The following MUC5B variants were observed in gnomAD, a reference collection of about 807,000 sequenced individuals.
MUC5B encodes mucin 5B, oligomeric mucus/gel-forming, also known as mucin-5B.
Under a neutral mutation model 376.9 loss-of-function variants are expected in MUC5B, and 116 were observed. That is an observed-to-expected ratio of 0.31 (90% CI 0.26 to 0.36). The LOEUF (loss-of-function observed/expected upper bound fraction) is 0.36, where lower values mean the gene tolerates loss of function less well. Among genes scored for constraint, MUC5B ranks in the 10% least tolerant of loss-of-function variants. MUC5B has a pLI of 1.00. For synonymous variants in MUC5B, 3,517 were observed against 3,390.9 expected (o/e 1.04, Z -1.29); for missense variants, 7,165 against 7,769.9 (o/e 0.92, Z 2.93).
chr11:1,227,308 C>A lies in MUC5B; in HGVS notation c.577C>A (p.Leu193Met). ...TGGAGCTGCCCCTCCCCACTCTCAG[C>A]TGGAGCTGGATCCCAAATACGCCAA... is the stretch of plus-strand genomic sequence containing the variant. ...FLWNGEDSALLELDPKYANQT... is the reference protein window; with the variant it reads ...FLWNGEDSALMELDPKYANQT... Residue 193 changes from leucine (L) to methionine (M), a missense_variant and splice_region_variant, in exon 6 of 49, where the codon CTG becomes ATG. Physicochemically the swap from Leu to Met is conservative, Grantham distance 15 (BLOSUM62 2). Coordinates refer to ENST00000529681, the MANE Select transcript of MUC5B (RefSeq NM_002458.3). 6.2e-7 allele frequency: 1 copy of A among 1,612,284 alleles called. No individual in the cohort carries two copies. Among genetic ancestry groups the A allele is most frequent in the Non-Finnish European group, 8.5e-7 (1 of 1,179,444 alleles).
At chr11:1,227,445 A>G in intron 6 of MUC5B, 47 bp downstream of exon 6, 1 of 1,435,336 alleles carries the variant, frequency 7.0e-7, no homozygotes. Context: ...ATGTCGGCCA[A>G]CGAAGAGCCA....
At chr11:1,260,509 C>T in intron 47 of MUC5B, 116 bp downstream of exon 47, 4 of 1,474,352 alleles carry the variant, frequency 2.7e-6, no homozygotes, top group Admixed American at 1.8e-5. Context: ...CCAGACTCCA[C>T]CCTCGGTCCT....
In MUC5B at chr11:1,239,885, G is replaced by C; in HGVS notation, c.3670G>C (p.Asp1224His). ...CVAQCGCYDK[D>H]GNYYDVGARV... ...GGCCCAGTGTGGCTGCTACGACAAGGACGGAAACTACTATGACGTCGGTGC... is the reference window on the plus strand; with the variant it reads ...GGCCCAGTGTGGCTGCTACGACAAGCACGGAAACTACTATGACGTCGGTGC... Residue 1224 changes from aspartate (D) to histidine (H), a missense_variant, in exon 28 of 49, where the codon GAC becomes CAC. By Grantham distance (81) the Asp-to-His change is moderately conservative. Around this residue, in one of 31 missense-constraint regions of MUC5B, gnomAD observed 517 missense variants for 545.3 expected, o/e 0.95. Coordinates refer to ENST00000529681, the MANE Select transcript of MUC5B (RefSeq NM_002458.3). The C allele has an allele frequency of 6.2e-7, 1 of 1,613,286 alleles. No homozygotes were observed. The highest frequency in any genetic ancestry group is 8.5e-7 in the Non-Finnish European group (1 of 1,179,692).
intron 11 of MUC5B, 37 bp from the exon 12 acceptor site, chr11:1,230,453 A>G (rs1428090025): frequency 1.3e-6 from 2 of 1,532,720 alleles, no homozygotes; most frequent in Non-Finnish European, 1.8e-6. Flanking sequence ...CACATCATCG[A>G]GCCAGGCCCA....
In MUC5B at chr11:1,257,440, C is replaced by G; in HGVS notation, c.16270-90C>G. The G allele has an allele frequency of 6.7e-7, 1 of 1,485,486 alleles. No homozygotes were observed. Among genetic ancestry groups the G allele is most frequent in the East Asian group, 2.4e-5 (1 of 42,284 alleles). 92.0% of individuals were successfully genotyped at this position (1,485,486 alleles called of 1,614,324 possible). On this transcript the variant is annotated intron_variant, in intron 40 of 48. Coordinates refer to ENST00000529681, the MANE Select transcript of MUC5B (RefSeq NM_002458.3). The surrounding 1 kb of genome is among the most constrained non-coding windows in gnomAD (Gnocchi z 8.9). ...CCCATCACTCTGGGCCACTCGGGTA[C>G]CAGCCCGAGGGAGGGGGTGGCTGGA...
Position 1,242,066 on chromosome 11 carries a change from C to T in MUC5B, c.5186C>T (p.Pro1729Leu), listed in dbSNP as rs754802713. 2.3e-5 allele frequency: 37 copies of T among 1,604,096 alleles called. No homozygotes were observed. The highest frequency in any genetic ancestry group is 1.6e-4 in the Middle Eastern group (1 of 6,070). ...ACAATGGCAACCTCCAGAGCTCGCC[C>T]GACAGGCACAGCCAGCACCGCTTCC... ...PTTMATSRAR[P>L]TGTASTASKE... The change falls in exon 31 of 49, where the codon CCG becomes CTG. Residue 1729 changes from proline to leucine, a missense_variant. By Grantham distance (98) the Pro-to-Leu change is moderately conservative (BLOSUM62 -3). Around this residue, in one of 31 missense-constraint regions of MUC5B, gnomAD observed 897 missense variants for 779.6 expected, o/e 1.15. Coordinates refer to ENST00000529681, the MANE Select transcript of MUC5B (RefSeq NM_002458.3).
Position 1,261,799 on chromosome 11 carries a change from C to G in MUC5B, c.*191C>G. ...GGTGAGGGGCCAGCAGGACCCCTTT[C>G]GGGAGGGCGCCACTCAGGAGTCCTA... On this transcript the variant is annotated 3_prime_UTR_variant, in exon 49 of 49. Coordinates refer to ENST00000529681, the MANE Select transcript of MUC5B (RefSeq NM_002458.3). 1 of 709,912 alleles carries G rather than the reference C, an allele frequency of 1.4e-6. No individual in the cohort carries two copies. Among genetic ancestry groups the G allele is most frequent in the Non-Finnish European group, 2.5e-6 (1 of 393,864 alleles). The allele number at this position is 709,912 out of a possible 1,614,324, so 44.0% of individuals were successfully genotyped here.
chr11:1,247,670 C>A lies in MUC5B; in HGVS notation c.10790C>A (p.Thr3597Asn). Residue 3597 changes from threonine to asparagine, a missense_variant, in exon 31 of 49, where the codon ACC becomes AAC. Physicochemically the swap from Thr to Asn is moderately conservative, Grantham distance 65. Transcript: ENST00000529681. ...GGGCCCTCTGGCGGGGACTTTGACA[C>A]CTACTCCAACATCCGTGCGGCCGGA... ...MPGPSGGDFD[T>N]YSNIRAAGGA... 1 of 1,599,090 alleles carries A rather than the reference C, an allele frequency of 6.3e-7. No individual in the cohort carries two copies. Among genetic ancestry groups the A allele is most frequent in the South Asian group, 1.1e-5 (1 of 90,450 alleles).
At position 1,250,712 on chromosome 11, in the gene MUC5B, C is replaced by T. The variant is rs199542083; in HGVS notation, c.13832C>T (p.Thr4611Met). Residue 4611 changes from threonine to methionine, a missense_variant, in exon 31 of 49, where the codon ACG becomes ATG. Transcript: ENST00000529681. ...GCCACCCCCTCCTCCAGCCCAGGGA[C>T]GGCACTCACGCCTCCAGTGTGGATC... The part of the protein sequence containing the change: ...FTATPSSSPG[T>M]ALTPPVWIST... The T allele has an allele frequency of 1.1e-4, 180 of 1,612,562 alleles. No homozygotes were observed. Among genetic ancestry groups the T allele is most frequent in the East Asian group, 3.6e-4 (16 of 44,878 alleles).
rs767449126 is a variant in MUC5B, at chr11:1,260,004, CG to C, written c.16843del (p.Val5615CysfsTer13). The C allele has an allele frequency of 6.2e-7, 1 of 1,612,984 alleles. No homozygotes were observed. The highest frequency in any genetic ancestry group is 8.5e-7 in the Non-Finnish European group (1 of 1,179,776). ...WVNSHVDNCT[V>X]YLCEAEGGVH... ...TCAACAGCCATGTGGACAACTGCAC[CG>C]TGTACCTCTGTGAGGCTGAGGGTGG... On this transcript the variant is annotated frameshift_variant, in exon 46 of 49. Transcript: ENST00000529681. LOFTEE classifies it high-confidence loss of function.
rs1052124044 is a variant in MUC5B, at chr11:1,234,389, G to A, written c.2478+84G>A. 2 of 1,503,682 alleles carry A rather than the reference G, an allele frequency of 1.3e-6. No individual in the cohort carries two copies. Among genetic ancestry groups the A allele is most frequent in the Non-Finnish European group, 1.8e-6 (2 of 1,108,642 alleles). The allele number at this position is 1,503,682 out of a possible 1,614,324, so 93.1% of individuals were successfully genotyped here. ...CCGAGCCCAGGGATCTGGTGGTCCTGGAGACACTTACCCACCTGGAAGCTC... is the reference window on the plus strand; with the variant it reads ...CCGAGCCCAGGGATCTGGTGGTCCTAGAGACACTTACCCACCTGGAAGCTC... On this transcript the variant is annotated intron_variant, in intron 20 of 48. Transcript: ENST00000529681. The surrounding 1 kb of genome is among the most constrained non-coding windows in gnomAD (Gnocchi z 6.3).
At position 1,240,372 on chromosome 11, in the gene MUC5B, A is replaced by G. The variant is rs112154512; in HGVS notation, c.3967A>G (p.Thr1323Ala). 1 of 1,594,316 alleles carries G rather than the reference A, an allele frequency of 6.3e-7. No individual in the cohort carries two copies. Among genetic ancestry groups the G allele is most frequent in the Non-Finnish European group, 8.6e-7 (1 of 1,166,870 alleles). ...FTTAWVPHST[T>A]SPALPVSTVC... is the part of the protein sequence containing the mutation. ...CACCGCCTGGGTCCCCCACTCCACGACAAGTAAGCCCTGCCTGGCTCTCCT... is the reference window on the plus strand; with the variant it reads ...CACCGCCTGGGTCCCCCACTCCACGGCAAGTAAGCCCTGCCTGGCTCTCCT... The change falls in exon 30 of 49, where the codon ACA (threonine) becomes GCA (alanine). Residue 1323 changes from threonine (T) to alanine (A), a missense_variant. By Grantham distance (58) the Thr-to-Ala change is moderately conservative. Coordinates refer to ENST00000529681, the MANE Select transcript of MUC5B (RefSeq NM_002458.3).
At chr11:1,232,588 G>C (rs1205427531) in intron 16 of MUC5B, 44 bp downstream of exon 16, 2 of 1,602,600 alleles carry the variant, frequency 1.2e-6, no homozygotes, top group Non-Finnish European at 1.7e-6. Context: ...CAGGATGGGT[G>C]GGGGAGCCCT....
Position 1,257,620 on chromosome 11 carries a change from C to T in MUC5B, c.16360C>T (p.Gln5454Ter). 6.2e-7 allele frequency: 1 copy of T among 1,602,652 alleles called. No homozygotes were observed. Residue 5454 changes from glutamine to a stop codon, truncating the protein, a stop_gained, in exon 41 of 49, where the codon CAG (glutamine) becomes TAG (stop). Coordinates refer to ENST00000529681, the MANE Select transcript of MUC5B (RefSeq NM_002458.3). LOFTEE classifies it high-confidence loss of function. This position sits in a 1 kb window ranked among gnomAD's most constrained non-coding sequence, Gnocchi z 8.9. The stretch of plus-strand genomic sequence containing the variant: ...GTGCAAGCCCCTGCCCTGTGACGCC[C>T]AGGGTCAGCCCCCGCCGTGCAACCG... ...VQCKPLPCDAQGQPPPCNRPG... is the reference protein window; with the variant it reads ...VQCKPLPCDA
chr11:1,227,843 G>A (rs1390928754), intron 7 of MUC5B, 62 bp downstream of exon 7: 2 of 668,722 alleles, frequency 3.0e-6, no homozygotes, highest in East Asian at 2.7e-5. Flanking sequence ...GGGGGAGCTG[G>A]GCCGAGGTCT....
rs968866613 is a variant in MUC5B at position 1,240,028 on chromosome 11, C to T, written c.3729-17C>T. ...GCTGCCCCCCAGGCCCTCAGCTCGCCTCTCCCCCACCCCTAGTAACTGCAC... is the reference window on the plus strand; with the variant it reads ...GCTGCCCCCCAGGCCCTCAGCTCGCTTCTCCCCCACCCCTAGTAACTGCAC... On this transcript the variant is annotated splice_polypyrimidine_tract_variant and intron_variant, in intron 28 of 48. Coordinates refer to ENST00000529681, the MANE Select transcript of MUC5B (RefSeq NM_002458.3). The T allele has an allele frequency of 3.2e-6, 5 of 1,586,490 alleles. No homozygotes were observed. In the African/African-American group the frequency reaches 6.7e-5, roughly 21 times the overall value.
chr11:1,256,614 T>C, intron 38 of MUC5B, 57 bp from the exon 39 acceptor site: 1 of 1,390,568 alleles, frequency 7.2e-7, no homozygotes, highest in Non-Finnish European at 9.8e-7. Context: ...CTCACGTGGA[T>C]GACAGTGGAG....
At position 1,258,490 on chromosome 11, in the gene MUC5B, G is replaced by A; in HGVS notation, c.16593+123G>A. 1.7e-6 allele frequency: 2 copies of A among 1,193,198 alleles called. No homozygotes were observed. The highest frequency in any genetic ancestry group is 1.5e-5 in the South Asian group (1 of 67,210). 73.9% of individuals were successfully genotyped at this position (1,193,198 alleles called of 1,614,324 possible). On this transcript the variant is annotated intron_variant, in intron 43 of 48. Transcript: ENST00000529681. The surrounding 1 kb of genome is among the most constrained non-coding windows in gnomAD (Gnocchi z 5.5). ...CTGCCCTGAGGGCCGATCCGCACAG[G>A]GGCCCTGGACACGTCAGAGCTGGGA...
At chr11:1,256,437 G>A (rs1367067557) in intron 38 of MUC5B, among the ~76,000 whole-genome samples, 2 of 149,778 alleles carry the variant, frequency 1.3e-5, no homozygotes, top group Non-Finnish European at 3.0e-5. Context: ...GCCTGGCCCC[G>A]CATCCCCACC....
Sources: allele counts gnomAD v4.1 joint callset (sites outside exome capture counted in the v4.1 genomes callset), GRCh38; gene constraint gnomAD v4.1.1; regional missense constraint gnomAD v4.1.1; non-coding constraint Gnocchi (gnomAD v3.1); transcripts MANE v1.5; gene names NCBI Gene and HGNC (gene_info 2026-07-23, HGNC 2026-07-21).